The following MBNL3 variants were observed in gnomAD, a reference collection of about 807,000 sequenced individuals.
MBNL3 encodes the protein muscleblind-like protein 3.
In MBNL3, 6 loss-of-function variants were observed where a neutral mutation model predicts 24.5. The ratio of observed to expected loss-of-function variants is 0.25; its 90% confidence interval spans 0.13 to 0.48. The LOEUF is 0.48. Among genes scored for constraint, MBNL3 ranks in the 20% least tolerant of loss-of-function variants. The probability of loss-of-function intolerance (pLI) is 0.99; values close to 1 mark genes in which losing one functional copy is unlikely to be tolerated. For synonymous variants in MBNL3, 100 were observed against 101.7 expected (o/e 0.98, Z 0.10); for missense variants, 230 against 293.5 (o/e 0.78, Z 1.58).
chrX:132,392,568 AT>A (rs1385297521), intron 3 of MBNL3, among the ~76,000 whole-genome samples: 1 of 112,443 alleles, frequency 8.9e-6, no homozygotes, highest in East Asian at 2.8e-4. Context: ...AAGCCACATG[AT>A]TTTAACAGTC....
Position 132,406,327 on chromosome X carries a change from C to T in MBNL3, c.243G>A (p.Glu81=). ...HPPPHLKTQL[E]INGRNNLIQQ... ...GAATCAGATTGTTCCGCCCATTAAT[C>T]TCCAGCTGCGTTTTTAAGTGTGGAG... is the stretch of plus-strand genomic sequence containing the variant. The change falls in exon 3 of 9, where the codon GAG becomes GAA. Residue 81 remains glutamate, a synonymous_variant. Coordinates refer to ENST00000370853, the MANE Select transcript of MBNL3 (RefSeq NM_001386889.1). 1 of 1,211,427 alleles carries T rather than the reference C, an allele frequency of 8.3e-7. No individual in the cohort carries two copies. The highest frequency in any genetic ancestry group is 1.1e-6 in the Non-Finnish European group (1 of 895,236).
chrX:132,465,583 C>T (rs1226068102), intron 1 of MBNL3, among the ~76,000 whole-genome samples: 1 of 112,159 alleles, frequency 8.9e-6, no homozygotes, highest in African/African-American at 3.2e-5. Flanking sequence ...CTTCGTTCTT[C>T]TTTTAGTCCA....
chrX:132,385,580 G>A (rs1935848531), intron 6 of MBNL3, among the ~76,000 whole-genome samples: 1 of 111,170 alleles, frequency 9.0e-6, no homozygotes, highest in Admixed American at 9.6e-5. Context: ...TAAATTATTA[G>A]ATATCAGTAG....
At chrX:132,421,786 T>A (rs1386600951) in intron 2 of MBNL3, among the ~76,000 whole-genome samples, 3 of 111,596 alleles carry the variant, frequency 2.7e-5, no homozygotes, top group African/African-American at 9.8e-5. Context: ...CTATTTTTAT[T>A]CTAATTTTGC....
chrX:132,450,569 C>T (rs1339753219), intron 1 of MBNL3, among the ~76,000 whole-genome samples: 1 of 111,828 alleles, frequency 8.9e-6, no homozygotes, highest in African/African-American at 3.2e-5. Flanking sequence ...TACCTCTAAC[C>T]TTTTTTCAAG....
chrX:132,410,919 G>A (rs751899634), intron 2 of MBNL3, among the ~76,000 whole-genome samples: 7 of 111,886 alleles, frequency 6.3e-5, no homozygotes, highest in Non-Finnish European at 1.3e-4. Context: ...TTAGAATTCT[G>A]TCTTTACAAA....
chrX:132,455,065 T>C (rs889217931), intron 1 of MBNL3, among the ~76,000 whole-genome samples: 91 of 112,288 alleles, frequency 8.1e-4, no homozygotes, highest in African/African-American at 2.9e-3. Flanking sequence ...AAGTAGTCAA[T>C]GTCCTTGTTA....
rs1400653559 is a variant in MBNL3, at chrX:132,372,258, T to A, written c.*7408A>T. 1.8e-5 allele frequency: 2 copies of A among 110,462 alleles called. No individual in the cohort carries two copies. Among genetic ancestry groups the A allele is most frequent in the Non-Finnish European group, 3.8e-5 (2 of 52,683 alleles). 9.1% of individuals were successfully genotyped at this position (110,462 alleles called of 1,213,427 possible). ...ACATGGCTAATAATTTTCTTATATA[T>A]ATTTTTAATCGCCATTTTCCACCCA... On this transcript the variant is annotated 3_prime_UTR_variant, in exon 9 of 9. Coordinates refer to ENST00000370853, the MANE Select transcript of MBNL3 (RefSeq NM_001386889.1).
chrX:132,430,593 A>G lies in MBNL3; in HGVS notation c.177+8842T>C, dbSNP rs1034978870. On this transcript the variant is annotated intron_variant, in intron 2 of 8. Transcript: ENST00000370853. The stretch of plus-strand genomic sequence containing the variant: ...AATGCCTCTCACTTTGTGTTTGTTG[A>G]ATGTTTTCTCATGATTAGACCGAGA... 4.5e-5 allele frequency: 5 copies of G among 111,725 alleles called. No homozygotes were observed. In the Admixed American group the frequency reaches 4.7e-4, roughly 11 times the overall value. The allele number at this position is 111,725 out of a possible 1,213,427, so 9.2% of individuals were successfully genotyped here. A position where few individuals can be genotyped will look rare whatever the true frequency, so the allele number is the denominator to read the frequency against.
rs1418809334 is a variant in MBNL3 at position 132,371,585 on chromosome X, T to C, written c.*8081A>G. On this transcript the variant is annotated 3_prime_UTR_variant, in exon 9 of 9. Transcript: ENST00000370853. The stretch of plus-strand genomic sequence containing the variant: ...AAGTATGAAATAAACAACACTGGTT[T>C]CATATGTTACACTAGGGATGCAGGA... 2 of 111,411 alleles carry C rather than the reference T, an allele frequency of 1.8e-5. No individual in the cohort carries two copies. The highest frequency in any genetic ancestry group is 6.5e-5 in the African/African-American group (2 of 30,697). 9.2% of individuals were successfully genotyped at this position (111,411 alleles called of 1,213,427 possible).
At chrX:132,449,387 G>A (rs768396968) in intron 1 of MBNL3, among the ~76,000 whole-genome samples, 1 of 105,301 alleles carries the variant, frequency 9.5e-6, no homozygotes, top group Non-Finnish European at 1.9e-5. Context: ...TTACCAGTAT[G>A]TAATGCCCTT....
chrX:132,386,826 A>ATG lies in MBNL3; in HGVS notation c.772-17_772-16dup. ...GGCTGCAGGGCCTGTGGGGGGAGAG[A>ATG]TGGTACTAGTACTAGAGAAAGTAAC... is the stretch of plus-strand genomic sequence containing the variant. On this transcript the variant is annotated splice_polypyrimidine_tract_variant and intron_variant, in intron 5 of 8. Coordinates refer to ENST00000370853, the MANE Select transcript of MBNL3 (RefSeq NM_001386889.1). 8.3e-7 allele frequency: 1 copy of ATG among 1,207,666 alleles called. No individual in the cohort carries two copies. Among genetic ancestry groups the ATG allele is most frequent in the Non-Finnish European group, 1.1e-6 (1 of 892,542 alleles).
At chrX:132,463,572 A>G (rs746022263) in intron 1 of MBNL3, among the ~76,000 whole-genome samples, 15 of 112,243 alleles carry the variant, frequency 1.3e-4, no homozygotes, top group Non-Finnish European at 2.8e-4. Flanking sequence ...ATTGTTATCC[A>G]CACACGGCAA....
chrX:132,411,041 T>G, intron 2 of MBNL3: 1 of 536,664 alleles, frequency 1.9e-6, no homozygotes, highest in Non-Finnish European at 2.3e-6. Flanking sequence ...AAGTTAAATG[T>G]GAGATGCAGG....
chrX:132,395,822 A>G (rs1024109447), intron 3 of MBNL3, among the ~76,000 whole-genome samples: 1 of 111,323 alleles, frequency 9.0e-6, no homozygotes, highest in African/African-American at 3.3e-5. Context: ...CATGTATGCA[A>G]AAAATGTTGC....
At chrX:132,470,512 C>T (rs777092600) in intron 1 of MBNL3, among the ~76,000 whole-genome samples, 4 of 111,818 alleles carry the variant, frequency 3.6e-5, no homozygotes, top group African/African-American at 9.7e-5. Flanking sequence ...TTCCTCTAGA[C>T]ATTTAACAGT....
At chrX:132,380,418 C>T (rs1934683945) in intron 8 of MBNL3, among the ~76,000 whole-genome samples, 1 of 111,763 alleles carries the variant, frequency 8.9e-6, no homozygotes, top group Non-Finnish European at 1.9e-5. Context: ...TTTATAGCTC[C>T]TTCAGTTATC....
At chrX:132,459,764 G>A (rs1946541295) in intron 1 of MBNL3, among the ~76,000 whole-genome samples, 1 of 111,839 alleles carries the variant, frequency 8.9e-6, no homozygotes. Flanking sequence ...ACCTGAATTT[G>A]AACCTCTGTC....
At chrX:132,418,471 C>T (rs1158021589) in intron 2 of MBNL3, among the ~76,000 whole-genome samples, 1 of 111,859 alleles carries the variant, frequency 8.9e-6, no homozygotes, top group South Asian at 3.7e-4. Flanking sequence ...CCTACGTGCT[C>T]TGTGTCCAGA....
Sources: allele counts gnomAD v4.1 joint callset (sites outside exome capture counted in the v4.1 genomes callset), GRCh38; gene constraint gnomAD v4.1.1; transcripts MANE v1.5; gene names NCBI Gene and HGNC (gene_info 2026-07-23, HGNC 2026-07-21).